FLI1: variants seen among roughly 807,000 people sequenced by gnomAD.
FLI1 encodes Fli-1 proto-oncogene, ETS transcription factor.
A neutral mutation model predicts 53.1 loss-of-function variants in FLI1; 13 were observed. That is an observed-to-expected ratio of 0.24 (90% CI 0.16 to 0.39). The LOEUF (loss-of-function observed/expected upper bound fraction) is 0.39. FLI1 is among the 10% of genes least tolerant of loss of function. The pLI, the probability that FLI1 is intolerant of heterozygous loss-of-function variation, is 1.00. For synonymous variants in FLI1, 244 were observed against 236.7 expected, an observed-to-expected ratio of 1.03 and a Z score of -0.28; for missense variants, 424 against 600.5, an observed-to-expected ratio of 0.71 and a Z score of 3.07.
At chr11:128,804,150 T>C (rs1027208862) in intron 5 of FLI1, 2 of 152,266 alleles carry the variant, frequency 1.3e-5, no homozygotes, top group African/African-American at 4.8e-5. Context: ...TTGGATCTTC[T>C]TAGCCAGAAA....
chr11:128,786,825 C>G (rs1942099925), intron 5 of FLI1, among the ~76,000 whole-genome samples: 1 of 152,206 alleles, frequency 6.6e-6, no homozygotes, highest in Admixed American at 6.5e-5. Flanking sequence ...ATACCTCTGA[C>G]TTTCCAAAAG....
intron 2 of FLI1, 131 bp from the exon 3 acceptor site, chr11:128,767,987 T>G: frequency 1.4e-6 from 1 of 731,642 alleles, no homozygotes; most frequent in Non-Finnish European, 2.2e-6. Flanking sequence ...ATCATCATCA[T>G]CATGACACCA....
chr11:128,691,537 C>T (rs774042051), upstream of FLI1: 2 of 152,134 alleles, frequency 1.3e-5, no homozygotes, highest in East Asian at 1.9e-4. Context: ...GTCTGTGAGT[C>T]CCAAAGGGCC....
chr11:128,695,482 C>G (rs1225596661), intron 1 of FLI1, among the ~76,000 whole-genome samples: 3 of 152,190 alleles, frequency 2.0e-5, no homozygotes, highest in Non-Finnish European at 1.5e-5. Context: ...ACTCCCTGCT[C>G]AGGGCTCAGC....
intron 6 of FLI1, chr11:128,805,666 G>T: frequency 2.1e-6 from 1 of 474,186 alleles, no homozygotes. Flanking sequence ...TTAGAACATG[G>T]GAAATTTGAA....
intron 5 of FLI1, among the ~76,000 whole-genome samples, chr11:128,800,602 G>C (rs754537540): frequency 6.6e-6 from 1 of 151,688 alleles, no homozygotes; most frequent in Non-Finnish European, 1.5e-5. Context: ...TCCAGAAACA[G>C]CTTTCGCCTT....
At chr11:128,783,849 T>G (rs965765275) in intron 5 of FLI1, among the ~76,000 whole-genome samples, 1 of 152,014 alleles carries the variant, frequency 6.6e-6, no homozygotes, top group Non-Finnish European at 1.5e-5. Flanking sequence ...ACATACTGAG[T>G]TTTATTTCAT....
intron 1 of FLI1, among the ~76,000 whole-genome samples, chr11:128,702,366 G>A (rs1414102892): frequency 2.0e-5 from 3 of 152,194 alleles, no homozygotes; most frequent in Non-Finnish European, 2.9e-5. Flanking sequence ...ATACTCATTG[G>A]AGAAATCTTT....
Position 128,744,491 on chromosome 11 carries a change from C to T in FLI1, c.19-13624C>T, listed in dbSNP as rs542557131. ...GCATGAGTTAGAACACTATTATTAT[C>T]GCTAGTTTTCCAAAAAGGAAACTGA... On this transcript the variant is annotated intron_variant, in intron 1 of 8. Coordinates refer to ENST00000527786, the MANE Select transcript of FLI1 (RefSeq NM_002017.5). Among the ~76,000 whole-genome samples, 18 of 152,320 alleles carry T rather than the reference C, an allele frequency of 1.2e-4. No individual in the cohort carries two copies. The South Asian group carries it at 2.1e-3, about 18-fold the overall frequency.
At chr11:128,775,013 T>G (rs1304929437) in intron 4 of FLI1, among the ~76,000 whole-genome samples, 1 of 152,154 alleles carries the variant, frequency 6.6e-6, no homozygotes, top group African/African-American at 2.4e-5. Flanking sequence ...TTTAAGAATA[T>G]TTATAGACAG....
chr11:128,780,246 C>T (rs1941867260), intron 4 of FLI1, among the ~76,000 whole-genome samples: 1 of 152,200 alleles, frequency 6.6e-6, no homozygotes, highest in Non-Finnish European at 1.5e-5. Context: ...CCCCGTCATC[C>T]CCCTCCTTGT....
At chr11:128,688,307 C>T (rs1324351597) in intron 1 of FLI1, among the ~76,000 whole-genome samples, 1 of 152,186 alleles carries the variant, frequency 6.6e-6, no homozygotes, top group Non-Finnish European at 1.5e-5. Flanking sequence ...CTGTGGGCCG[C>T]CAGAGAAGCT....
intron 5 of FLI1, among the ~76,000 whole-genome samples, chr11:128,797,423 A>G (rs147643229): frequency 2.6e-5 from 4 of 152,372 alleles, no homozygotes; most frequent in African/African-American, 9.6e-5. Flanking sequence ...TTTCAAAATA[A>G]AATTATGGAA....
chr11:128,786,642 C>T (rs1443443200), intron 5 of FLI1, among the ~76,000 whole-genome samples: 1 of 152,128 alleles, frequency 6.6e-6, no homozygotes, highest in African/African-American at 2.4e-5. Context: ...CGTGTGTCTG[C>T]CCTGGTCCCA....
intron 5 of FLI1, among the ~76,000 whole-genome samples, chr11:128,794,584 C>T (rs1248271916): frequency 6.6e-6 from 1 of 152,172 alleles, no homozygotes; most frequent in Non-Finnish European, 1.5e-5. Flanking sequence ...ATATAAAAAC[C>T]TTTCTAATCC....
intron 5 of FLI1, 55 bp downstream of exon 5, chr11:128,782,078 G>A: frequency 7.3e-7 from 1 of 1,370,502 alleles, no homozygotes; most frequent in Non-Finnish European, 1.0e-6. Context: ...ACATGACACA[G>A]GCCCATGCTG....
In FLI1 at chr11:128,811,076, A is replaced by C; in HGVS notation, c.*88A>C. On this transcript the variant is annotated 3_prime_UTR_variant, in exon 9 of 9. Coordinates refer to ENST00000527786, the MANE Select transcript of FLI1 (RefSeq NM_002017.5). ...ACTCAACAGGACATATGTGGCCTTGAAGGGAAGACAAAACTGGATGTTCTT... is the reference window on the plus strand; with the variant it reads ...ACTCAACAGGACATATGTGGCCTTGCAGGGAAGACAAAACTGGATGTTCTT... 3.3e-6 allele frequency: 4 copies of C among 1,217,954 alleles called. No individual in the cohort carries two copies. Among genetic ancestry groups the C allele is most frequent in the Non-Finnish European group, 4.8e-6 (4 of 841,238 alleles). 75.4% of individuals were successfully genotyped at this position (1,217,954 alleles called of 1,614,324 possible). A position where few individuals can be genotyped will look rare whatever the true frequency, so the allele number is the denominator to read the frequency against.
chr11:128,779,805 G>T (rs1411180454), intron 4 of FLI1, among the ~76,000 whole-genome samples: 1 of 152,166 alleles, frequency 6.6e-6, no homozygotes, highest in Admixed American at 6.5e-5. Context: ...TCATGATGGG[G>T]ATAGTTCATC....
chr11:128,693,348 G>A (rs1420098561), upstream of FLI1: 1 of 152,404 alleles, frequency 6.6e-6, no homozygotes, highest in Non-Finnish European at 1.5e-5. Context: ...TCGATGAGTG[G>A]GTGAGCCGCT....
Sources: gnomAD v4.1 joint callset for allele counts (sites outside exome capture counted in the v4.1 genomes callset) on GRCh38, gnomAD v4.1.1 for gene constraint, MANE v1.5 for transcripts, NCBI Gene and HGNC (gene_info 2026-07-23, HGNC 2026-07-21) for gene names.